Variants in SH3GL2 observed in about 807,000 individuals in gnomAD.
SH3GL2 encodes SH3 domain containing GRB2 like 2, endophilin A1.
A neutral mutation model predicts 46.0 loss-of-function variants in SH3GL2; 24 were observed. That is an observed-to-expected ratio of 0.52 (90% CI 0.38 to 0.73). SH3GL2 has a LOEUF of 0.73. Among genes scored for constraint, SH3GL2 ranks in the 30% least tolerant of loss-of-function variants. The pLI is 0.00. For synonymous variants in SH3GL2, 196 were observed against 147.1 expected (o/e 1.33, Z -2.40); for missense variants, 413 against 424.2 (o/e 0.97, Z 0.23).
chr9:17,791,445 G>A (rs966328905), intron 7 of SH3GL2, 111 bp downstream of exon 7: 6 of 786,522 alleles, frequency 7.6e-6, no homozygotes, highest in East Asian at 2.5e-5. Flanking sequence ...CCAAAATTCC[G>A]CTTATCCTAC....
chr9:17,721,040 C>A (rs1057325295), intron 1 of SH3GL2, among the ~76,000 whole-genome samples: 10 of 152,044 alleles, frequency 6.6e-5, no homozygotes, highest in African/African-American at 2.2e-4. Context: ...TGTTTCAGGC[C>A]ACATCTGCTC....
At chr9:17,634,023 T>G (rs16935824) in intron 1 of SH3GL2, among the ~76,000 whole-genome samples, 7,740 of 152,296 alleles carry the variant, frequency 0.051, 500 homozygotes, top group African/African-American at 0.15. Flanking sequence ...GTGTATACCT[T>G]GCATAAAGCA....
chr9:17,790,509 C>T (rs574718886), intron 6 of SH3GL2: 2 of 575,166 alleles, frequency 3.5e-6, no homozygotes, highest in Admixed American at 1.3e-4. Context: ...CCACCTAACT[C>T]CTCGAGAGGA....
chr9:17,631,152 A>G (rs978490003), intron 1 of SH3GL2, among the ~76,000 whole-genome samples: 1 of 152,200 alleles, frequency 6.6e-6, no homozygotes, highest in African/African-American at 2.4e-5. Flanking sequence ...TTATTTTTGC[A>G]CCAACCTAAT....
At chr9:17,771,457 A>G (rs1307083404) in intron 3 of SH3GL2, among the ~76,000 whole-genome samples, 1 of 152,162 alleles carries the variant, frequency 6.6e-6, no homozygotes, top group Non-Finnish European at 1.5e-5. Flanking sequence ...TCCCTGGGCA[A>G]GGTCTTTAGA....
intron 1 of SH3GL2, among the ~76,000 whole-genome samples, chr9:17,729,804 T>C (rs991094053): frequency 6.6e-6 from 1 of 152,166 alleles, no homozygotes; most frequent in African/African-American, 2.4e-5. Flanking sequence ...GTCTCTGTTC[T>C]GTTCATTGGT....
chr9:17,738,240 T>C (rs1822398624), intron 1 of SH3GL2, among the ~76,000 whole-genome samples: 1 of 151,906 alleles, frequency 6.6e-6, no homozygotes, highest in Non-Finnish European at 1.5e-5. Flanking sequence ...GATGTTTTTG[T>C]CTCTTTTTTT....
intron 3 of SH3GL2, among the ~76,000 whole-genome samples, chr9:17,778,773 G>C (rs796987693): frequency 6.6e-6 from 1 of 152,204 alleles, no homozygotes; most frequent in African/African-American, 2.4e-5. Flanking sequence ...TTTGAATGTA[G>C]AGCTGACCGA....
intron 1 of SH3GL2, among the ~76,000 whole-genome samples, chr9:17,632,303 T>C (rs1819445700): frequency 6.6e-6 from 1 of 152,208 alleles, no homozygotes. Flanking sequence ...GCACAATCTC[T>C]AACACAACTA....
chr9:17,723,941 C>G (rs186353478), intron 1 of SH3GL2, among the ~76,000 whole-genome samples: 1 of 151,988 alleles, frequency 6.6e-6, no homozygotes. Flanking sequence ...TATCTTTCAA[C>G]GTTTTGAAGT....
At chr9:17,592,079 G>A (rs1176220341) in intron 1 of SH3GL2, among the ~76,000 whole-genome samples, 7 of 152,172 alleles carry the variant, frequency 4.6e-5, no homozygotes, top group Non-Finnish European at 7.3e-5. Context: ...TGGAGAATCA[G>A]GAAACCCGGT....
chr9:17,627,027 C>A (rs1417549105), intron 1 of SH3GL2, among the ~76,000 whole-genome samples: 2 of 152,156 alleles, frequency 1.3e-5, no homozygotes, highest in East Asian at 3.9e-4. Flanking sequence ...GGATGTACCT[C>A]TCCTCATGTA....
chr9:17,579,088 G>A lies in SH3GL2; in HGVS notation c.-155G>A. The A allele has an allele frequency of 2.1e-6, 1 of 482,204 alleles. No individual in the cohort carries two copies. Among genetic ancestry groups the A allele is most frequent in the Non-Finnish European group, 3.6e-6 (1 of 279,812 alleles). The allele number at this position is 482,204 out of a possible 1,614,324, so 29.9% of individuals were successfully genotyped here. On this transcript the variant is annotated 5_prime_UTR_variant, in exon 1 of 9. Transcript: ENST00000380607. ...GACGTCAGAGTGTTTCTCCGCAAGA[G>A]CCCGTGTCCCGCTAGGCTCCGCGCC...
chr9:17,689,148 C>T (rs752245188), intron 1 of SH3GL2, among the ~76,000 whole-genome samples: 1 of 152,032 alleles, frequency 6.6e-6, no homozygotes, highest in Non-Finnish European at 1.5e-5. Flanking sequence ...CCTTAAACTC[C>T]CACCTCTAGT....
At chr9:17,620,491 G>C (rs1294250646) in intron 1 of SH3GL2, among the ~76,000 whole-genome samples, 1 of 152,186 alleles carries the variant, frequency 6.6e-6, no homozygotes, top group South Asian at 2.1e-4. Context: ...CTGAAGCACA[G>C]AGAAGATGAG....
chr9:17,758,140 A>G (rs1823053944), intron 2 of SH3GL2, among the ~76,000 whole-genome samples: 1 of 152,160 alleles, frequency 6.6e-6, no homozygotes, highest in Admixed American at 6.5e-5. Flanking sequence ...CTCATAACAC[A>G]CTTAAAGAGC....
chr9:17,591,558 T>A (rs1460637781), intron 1 of SH3GL2, among the ~76,000 whole-genome samples: 1 of 152,234 alleles, frequency 6.6e-6, no homozygotes. Flanking sequence ...AGGGTACATT[T>A]GTATCAGTTA....
chr9:17,709,111 T>G (rs2118256375), intron 1 of SH3GL2, among the ~76,000 whole-genome samples: 1 of 152,204 alleles, frequency 6.6e-6, no homozygotes, highest in South Asian at 2.1e-4. Context: ...GTAAAATGTT[T>G]AGGCCAGAGG....
chr9:17,788,222 G>A (rs1265931965), intron 5 of SH3GL2, among the ~76,000 whole-genome samples: 1 of 152,056 alleles, frequency 6.6e-6, no homozygotes, highest in African/African-American at 2.4e-5. Flanking sequence ...TCCTTTAGCA[G>A]TACCATTTGC....
Sources: allele counts gnomAD v4.1 joint callset (sites outside exome capture counted in the v4.1 genomes callset), GRCh38; gene constraint gnomAD v4.1.1; transcripts MANE v1.5; gene names NCBI Gene and HGNC (gene_info 2026-07-23, HGNC 2026-07-21).